Variants in CFAP210 observed in about 807,000 individuals in gnomAD.
CFAP210 encodes the protein cilia- and flagella- associated protein 210.
At chr2:169,654,257 A>T in the CFAP210 span, 1 of 1,495,004 alleles carries the variant, frequency 6.7e-7, no homozygotes, top group Non-Finnish European at 9.0e-7. Context: ...ACAAAGAAAA[A>T]TATCTTTCAA....
At chr2:169,684,073 C>G in the CFAP210 span, among the ~76,000 whole-genome samples, 1 of 152,050 alleles carries the variant, frequency 6.6e-6, no homozygotes, top group Non-Finnish European at 1.5e-5. Flanking sequence ...AGATTCCTAC[C>G]CCACAGTAGC....
chr2:169,653,282 G>A, the CFAP210 span, among the ~76,000 whole-genome samples: 2 of 151,454 alleles, frequency 1.3e-5, no homozygotes, highest in Non-Finnish European at 2.9e-5. Context: ...GCATTCCTTA[G>A]AGCAGGCAGA....
the CFAP210 span, among the ~76,000 whole-genome samples, chr2:169,683,532 G>C: frequency 2.6e-5 from 4 of 152,176 alleles, no homozygotes; most frequent in South Asian, 6.2e-4. Context: ...CAAATTGCTA[G>C]GCATGTTAAT....
chr2:169,657,848 T>C, the CFAP210 span, among the ~76,000 whole-genome samples: 2 of 152,186 alleles, frequency 1.3e-5, no homozygotes, highest in African/African-American at 4.8e-5. Flanking sequence ...AAACAATTAA[T>C]ACAAAATTCT....
At chr2:169,666,812 T>A in the CFAP210 span, among the ~76,000 whole-genome samples, 1 of 152,128 alleles carries the variant, frequency 6.6e-6, no homozygotes, top group Non-Finnish European at 1.5e-5. Flanking sequence ...TATATAATAT[T>A]CTAAATCCTT....
the CFAP210 span, chr2:169,645,799 A>G: frequency 1.0e-5 from 13 of 1,272,908 alleles, no homozygotes; most frequent in Middle Eastern, 1.9e-4. Flanking sequence ...AAGCTCATAT[A>G]TGCTACAACT....
chr2:169,682,189 A>T, the CFAP210 span, among the ~76,000 whole-genome samples: 20 of 150,694 alleles, frequency 1.3e-4, no homozygotes, highest in Non-Finnish European at 2.2e-4. Flanking sequence ...AAGGTTCTTA[A>T]TTACTAACAG....
the CFAP210 span, among the ~76,000 whole-genome samples, chr2:169,656,210 A>C: frequency 6.6e-6 from 1 of 152,192 alleles, no homozygotes; most frequent in South Asian, 2.1e-4. Context: ...GGATCACTTA[A>C]GCCCAGGAAG....
the CFAP210 span, among the ~76,000 whole-genome samples, chr2:169,660,158 G>A: frequency 1.3e-5 from 2 of 151,980 alleles, no homozygotes; most frequent in African/African-American, 2.4e-5. Flanking sequence ...GGAGTCCAAG[G>A]CGAGCAGATC....
the CFAP210 span, among the ~76,000 whole-genome samples, chr2:169,690,864 G>A: frequency 6.6e-6 from 1 of 152,088 alleles, no homozygotes; most frequent in Non-Finnish European, 1.5e-5. Context: ...ATCATGATGT[G>A]TACAGCTGTT....
chr2:169,645,673 C>A, the CFAP210 span: 2 of 561,518 alleles, frequency 3.6e-6, no homozygotes, highest in African/African-American at 1.9e-5. Context: ...AAAAAGGAAT[C>A]TCAAAATTGG....
At chr2:169,681,034 C>T in the CFAP210 span, 2 of 1,613,712 alleles carry the variant, frequency 1.2e-6, no homozygotes, top group South Asian at 1.1e-5. Context: ...AGTGTTTTAC[C>T]ACTTCTTGAG....
chr2:169,647,501 T>C, the CFAP210 span, among the ~76,000 whole-genome samples: 3 of 152,164 alleles, frequency 2.0e-5, no homozygotes, highest in Admixed American at 1.3e-4. Flanking sequence ...ATTTGGAAGA[T>C]AATAGCTAAT....
the CFAP210 span, among the ~76,000 whole-genome samples, chr2:169,670,453 A>C: frequency 0.6 from 90,962 of 152,044 alleles, 27,881 homozygotes; most frequent in African/African-American, 0.73. Flanking sequence ...TTTCAGTTTT[A>C]TATTGCTGAA....
At chr2:169,674,513 A>T in the CFAP210 span, 1 of 1,349,030 alleles carries the variant, frequency 7.4e-7, no homozygotes, top group African/African-American at 1.5e-5. Flanking sequence ...TATAATTAGA[A>T]AAAAGCTACA....
At chr2:169,679,405 C>T in the CFAP210 span, among the ~76,000 whole-genome samples, 8 of 151,832 alleles carry the variant, frequency 5.3e-5, no homozygotes, top group South Asian at 1.3e-3. Flanking sequence ...GTCGGCTGGG[C>T]GCAGTGGCTC....
the CFAP210 span, among the ~76,000 whole-genome samples, chr2:169,676,029 C>T: frequency 4.6e-5 from 7 of 152,094 alleles, no homozygotes; most frequent in Non-Finnish European, 7.4e-5. Context: ...TTAGGTGTTT[C>T]GTCTGGCTGA....
chr2:169,661,785 C>A, the CFAP210 span, among the ~76,000 whole-genome samples: 13 of 152,312 alleles, frequency 8.5e-5, no homozygotes, highest in Non-Finnish European at 2.9e-5. Context: ...AACTTAATAG[C>A]AACTTGTTTT....
chr2:169,672,295 A>T, the CFAP210 span, among the ~76,000 whole-genome samples: 10 of 152,234 alleles, frequency 6.6e-5, no homozygotes, highest in African/African-American at 2.4e-4. Context: ...TTGGCAACCC[A>T]GGTTCACATG....
Sources: gnomAD v4.1 joint callset for allele counts (sites outside exome capture counted in the v4.1 genomes callset) on GRCh38, gnomAD v4.1.1 for gene constraint, MANE v1.5 for transcripts, NCBI Gene and HGNC (gene_info 2026-07-23, HGNC 2026-07-21) for gene names.